The following LRMDA variants were observed in gnomAD, a reference collection of about 807,000 sequenced individuals.
LRMDA encodes the protein leucine rich melanocyte differentiation associated, also known as leucine-rich melanocyte differentiation-associated protein.
LRMDA carries 18 observed loss-of-function variants against 29.8 expected under a neutral mutation model. The observed-to-expected ratio is 0.60, with a 90% confidence interval of 0.42 to 0.90. The LOEUF (loss-of-function observed/expected upper bound fraction) is 0.90. Ranked by LOEUF, LRMDA falls within the 40% of genes least tolerant of loss-of-function variation. The pLI is 0.00. For synonymous variants in LRMDA, 125 were observed against 109.4 expected (o/e 1.14, Z -0.89); for missense variants, 273 against 273.9 (o/e 1.00, Z 0.02).
At chr10:76,552,847 G>T (rs1228314436) in intron 6 of LRMDA, among the ~76,000 whole-genome samples, 1 of 152,150 alleles carries the variant, frequency 6.6e-6, no homozygotes, top group South Asian at 2.1e-4. Context: ...CCTGGACTGG[G>T]CTCTCAGGGC....
chr10:76,156,931 C>T lies in LRMDA; in HGVS notation c.516+98148C>T, dbSNP rs531376872. On this transcript the variant is annotated intron_variant, in intron 5 of 6. Coordinates refer to ENST00000611255, the MANE Select transcript of LRMDA (RefSeq NM_001305581.2). ...TTAGGTATGCCTCAGGGGCAGAGAA[C>T]GTAATACATTTCACTTTTAGGTTCT... is the stretch of plus-strand genomic sequence containing the variant. Among the ~76,000 whole-genome samples, 14 of 152,264 alleles carry T rather than the reference C, an allele frequency of 9.2e-5. No individual in the cohort carries two copies. In the East Asian group the frequency reaches 1.2e-3, roughly 13 times the overall value.
At chr10:76,440,173 C>A (rs544997018) in intron 6 of LRMDA, among the ~76,000 whole-genome samples, 3 of 152,146 alleles carry the variant, frequency 2.0e-5, no homozygotes, top group Non-Finnish European at 2.9e-5. Context: ...GCAATGAGGG[C>A]AAAGAGAGTG....
At chr10:76,386,165 C>A (rs1841657215) in intron 6 of LRMDA, among the ~76,000 whole-genome samples, 1 of 152,114 alleles carries the variant, frequency 6.6e-6, no homozygotes, top group Non-Finnish European at 1.5e-5. Context: ...GTTAATCTCT[C>A]CTAAACTTGA....
At chr10:75,880,427 TAAGCCCTAAAACATTTTCA>T (rs1845275477) in intron 2 of LRMDA, among the ~76,000 whole-genome samples, 2 of 152,362 alleles carry the variant, frequency 1.3e-5, no homozygotes, top group African/African-American at 4.8e-5. Flanking sequence ...AATTTCTGTG[TAAGCCCTAAAACATTTTCA>T]AAGCTAGCTA....
At chr10:75,541,939 G>T (rs1840022312) in intron 2 of LRMDA, among the ~76,000 whole-genome samples, 1 of 152,128 alleles carries the variant, frequency 6.6e-6, no homozygotes, top group Non-Finnish European at 1.5e-5. Flanking sequence ...ATCAGTGTGT[G>T]GAAGAAAAAT....
At chr10:76,504,402 G>A (rs368102812) in intron 6 of LRMDA, among the ~76,000 whole-genome samples, 7 of 152,080 alleles carry the variant, frequency 4.6e-5, no homozygotes, top group East Asian at 3.9e-4. Context: ...CTGCCTCAAT[G>A]ATATGTCAGT....
intron 5 of LRMDA, among the ~76,000 whole-genome samples, chr10:76,320,515 C>T (rs1356516930): frequency 6.6e-6 from 1 of 152,106 alleles, no homozygotes; most frequent in Non-Finnish European, 1.5e-5. Context: ...CCATGTTATA[C>T]AAGTACTAGA....
intron 2 of LRMDA, among the ~76,000 whole-genome samples, chr10:75,854,170 A>G (rs190023778): frequency 8.9e-4 from 135 of 152,164 alleles, no homozygotes; most frequent in Non-Finnish European, 1.4e-3. Flanking sequence ...TGGCTCTAGT[A>G]TTTTTGGATT....
chr10:76,038,776 G>A (rs1375157943), intron 3 of LRMDA, among the ~76,000 whole-genome samples: 1 of 152,152 alleles, frequency 6.6e-6, no homozygotes, highest in Admixed American at 6.5e-5. Context: ...CTTTAGATAT[G>A]GCCTCTATAC....
At chr10:76,058,126 T>A (rs1047513786) in intron 4 of LRMDA, among the ~76,000 whole-genome samples, 1 of 152,218 alleles carries the variant, frequency 6.6e-6, no homozygotes, top group Non-Finnish European at 1.5e-5. Context: ...CCACATGTAT[T>A]ATCGAGGGAT....
At chr10:76,057,226 C>G (rs149327531) in intron 4 of LRMDA, among the ~76,000 whole-genome samples, 7 of 152,264 alleles carry the variant, frequency 4.6e-5, no homozygotes, top group African/African-American at 1.7e-4. Context: ...TGCATAACCT[C>G]GATTTTGGCA....
intron 2 of LRMDA, among the ~76,000 whole-genome samples, chr10:75,737,058 C>G (rs906674562): frequency 6.6e-6 from 1 of 151,642 alleles, no homozygotes; most frequent in African/African-American, 2.4e-5. Flanking sequence ...TGCACGCACG[C>G]ACGCACACAC....
intron 2 of LRMDA, among the ~76,000 whole-genome samples, chr10:75,445,576 T>A (rs113303723): frequency 6.6e-6 from 1 of 152,240 alleles, no homozygotes; most frequent in African/African-American, 2.4e-5. Context: ...TTAGCCGGGT[T>A]GGTTCCTTAA....
intron 6 of LRMDA, among the ~76,000 whole-genome samples, chr10:76,527,886 A>G (rs2132370031): frequency 6.6e-6 from 1 of 152,296 alleles, no homozygotes; most frequent in African/African-American, 2.4e-5. Flanking sequence ...ATCTCCTGCA[A>G]TCCAGGGAGT....
At chr10:76,372,181 T>G (rs1247575998) in intron 6 of LRMDA, among the ~76,000 whole-genome samples, 1 of 152,204 alleles carries the variant, frequency 6.6e-6, no homozygotes, top group Non-Finnish European at 1.5e-5. Flanking sequence ...CTGTGACCCT[T>G]AAAATGCAGG....
chr10:76,295,702 G>A (rs564119229), intron 5 of LRMDA, among the ~76,000 whole-genome samples: 17 of 152,158 alleles, frequency 1.1e-4, no homozygotes, highest in Middle Eastern at 3.4e-3. Context: ...GCCTTTCACT[G>A]CCCTCTAACT....
intron 2 of LRMDA, among the ~76,000 whole-genome samples, chr10:75,809,557 C>T (rs191119181): frequency 1.3e-5 from 2 of 152,128 alleles, no homozygotes; most frequent in African/African-American, 4.8e-5. Context: ...GCAGGAGAAT[C>T]GCCTTGAACC....
At chr10:76,538,395 C>T (rs970193467) in intron 6 of LRMDA, among the ~76,000 whole-genome samples, 1 of 149,584 alleles carries the variant, frequency 6.7e-6, no homozygotes, top group Non-Finnish European at 1.5e-5. Flanking sequence ...CAAAAAGTAG[C>T]TGAGTTTATT....
chr10:75,987,361 C>T (rs140346249), intron 2 of LRMDA, among the ~76,000 whole-genome samples: 162 of 152,208 alleles, frequency 1.1e-3, no homozygotes, highest in African/African-American at 3.7e-3. Flanking sequence ...GAGAGTTATC[C>T]TGAGCACTGC....
Sources: gnomAD v4.1 joint callset for allele counts (sites outside exome capture counted in the v4.1 genomes callset) on GRCh38, gnomAD v4.1.1 for gene constraint, MANE v1.5 for transcripts, NCBI Gene and HGNC (gene_info 2026-07-23, HGNC 2026-07-21) for gene names.